PPIG: variants seen among roughly 807,000 people sequenced by gnomAD.
The protein encoded by PPIG is peptidyl-prolyl cis-trans isomerase G.
A neutral mutation model predicts 87.9 loss-of-function variants in PPIG; 26 were observed. The ratio of observed to expected loss-of-function variants is 0.30; its 90% CI spans 0.22 to 0.41. The LOEUF is 0.41. PPIG is among the 10% of genes least tolerant of loss of function. PPIG has a pLI of 1.00. For missense variants in PPIG, 722 were observed against 879.4 expected, an observed-to-expected ratio of 0.82 and a Z score of 2.26; for synonymous variants, 308 against 276.5, an observed-to-expected ratio of 1.11 and a Z score of -1.13.
At chr2:169,632,325 C>T (rs892827000) in intron 11 of PPIG, among the ~76,000 whole-genome samples, 9 of 152,150 alleles carry the variant, frequency 5.9e-5, no homozygotes, top group African/African-American at 2.2e-4. Flanking sequence ...TGCTGTTTTC[C>T]TTACTTGGTT....
intron 1 of PPIG, among the ~76,000 whole-genome samples, chr2:169,601,088 T>C (rs550941953): frequency 5.3e-5 from 8 of 152,360 alleles, no homozygotes; most frequent in African/African-American, 1.9e-4. Context: ...GAAATACTTA[T>C]GTACAATTTA....
intron 9 of PPIG, among the ~76,000 whole-genome samples, chr2:169,624,726 T>C (rs2105511283): frequency 6.6e-6 from 1 of 152,238 alleles, no homozygotes; most frequent in Middle Eastern, 3.4e-3. Flanking sequence ...TAGCTAGGAC[T>C]ACAGGCGCCC....
At chr2:169,626,444 A>C (rs2105513173) in intron 9 of PPIG, among the ~76,000 whole-genome samples, 2 of 152,284 alleles carry the variant, frequency 1.3e-5, no homozygotes, top group South Asian at 4.2e-4. Flanking sequence ...CCCAGGCTGG[A>C]GTGCAGTGAC....
intron 1 of PPIG, chr2:169,584,830 C>A: frequency 3.4e-6 from 1 of 292,782 alleles, no homozygotes; most frequent in Non-Finnish European, 6.6e-6. Context: ...GCAGCGACTG[C>A]GGCCTGAACT....
At chr2:169,585,676 A>G (rs1280868200) in intron 1 of PPIG, among the ~76,000 whole-genome samples, 1 of 152,222 alleles carries the variant, frequency 6.6e-6, no homozygotes, top group African/African-American at 2.4e-5. Flanking sequence ...TCTTTCCACG[A>G]TAGCCCTTTC....
intron 4 of PPIG, among the ~76,000 whole-genome samples, chr2:169,604,832 C>A (rs2105487743): frequency 6.6e-6 from 1 of 150,924 alleles, no homozygotes; most frequent in South Asian, 2.1e-4. Context: ...CGAGATCGTG[C>A]CATTGCACTC....
At chr2:169,588,620 A>G (rs868664119) in intron 1 of PPIG, among the ~76,000 whole-genome samples, 10 of 152,102 alleles carry the variant, frequency 6.6e-5, no homozygotes, top group African/African-American at 2.4e-4. Flanking sequence ...ACTGGGGGTA[A>G]ATCTTTTTTC....
chr2:169,603,909 A>G (rs1172044264), intron 2 of PPIG, 117 bp from the exon 3 acceptor site: 1 of 767,824 alleles, frequency 1.3e-6, no homozygotes, highest in Admixed American at 2.8e-5. Context: ...AGAAATAAAT[A>G]TCAAAATAAA....
intron 4 of PPIG, 51 bp downstream of exon 4, chr2:169,604,312 T>C (rs971174863): frequency 2.8e-6 from 3 of 1,082,540 alleles, no homozygotes; most frequent in Non-Finnish European, 2.7e-6. Flanking sequence ...TGACTATGGC[T>C]TGCTTGCTTG....
intron 9 of PPIG, among the ~76,000 whole-genome samples, chr2:169,627,444 A>C (rs1685919174): frequency 6.6e-6 from 1 of 152,216 alleles, no homozygotes; most frequent in Non-Finnish European, 1.5e-5. Flanking sequence ...TTTTCTTCAA[A>C]AGTGATATGT....
chr2:169,636,923 A>G lies in PPIG; in HGVS notation c.1665A>G (p.Lys555=), dbSNP rs1301300373. 2 of 1,613,898 alleles carry G rather than the reference A, an allele frequency of 1.2e-6. No individual in the cohort carries two copies. The highest frequency in any genetic ancestry group is 1.7e-5 in the Admixed American group (1 of 59,970). ...GAGAATGTGATATAACTAAAGGTAA[A>G]CACAGTTATAATAGCAGAACAAGAG... The part of the protein sequence containing the change: ...RSRECDITKG[K]HSYNSRTRER... The change falls in exon 14 of 14, where the codon AAA becomes AAG. Residue 555 remains lysine (K), a synonymous_variant. Transcript: ENST00000260970.
chr2:169,627,333 C>G (rs1685916396), intron 9 of PPIG, among the ~76,000 whole-genome samples: 1 of 152,162 alleles, frequency 6.6e-6, no homozygotes, highest in African/African-American at 2.4e-5. Context: ...CTGACCTCAA[C>G]CGATCCACTA....
chr2:169,630,610 T>C (rs1686018917), intron 9 of PPIG, among the ~76,000 whole-genome samples, 164 bp from the exon 10 acceptor site: 1 of 152,190 alleles, frequency 6.6e-6, no homozygotes, highest in Admixed American at 6.5e-5. Flanking sequence ...AGATCTGGAC[T>C]CTAATCCTGA....
chr2:169,606,738 G>A (rs1453522999), intron 5 of PPIG, among the ~76,000 whole-genome samples: 1 of 151,876 alleles, frequency 6.6e-6, no homozygotes, highest in Non-Finnish European at 1.5e-5. Flanking sequence ...GTCACAAGTG[G>A]TAATCCTTAC....
intron 9 of PPIG, among the ~76,000 whole-genome samples, chr2:169,625,510 C>G (rs980296480): frequency 6.6e-6 from 1 of 152,028 alleles, no homozygotes; most frequent in African/African-American, 2.4e-5. Context: ...CCTTTGCCAG[C>G]CTAATGGATT....
rs957779687 is a variant in PPIG at position 169,638,220 on chromosome 2, T to C, written c.*697T>C. ...GTACTGATTGAGCTTGAGTTGCTGT[T>C]ATACAGCATTTGACAGGAACTATAC... is the stretch of plus-strand genomic sequence containing the variant. On this transcript the variant is annotated 3_prime_UTR_variant, in exon 14 of 14. Coordinates refer to ENST00000260970, the MANE Select transcript of PPIG (RefSeq NM_004792.3). 3.9e-5 allele frequency: 6 copies of C among 152,038 alleles called. No individual in the cohort carries two copies. The highest frequency in any genetic ancestry group is 1.4e-4 in the African/African-American group (6 of 41,434). 9.4% of individuals were successfully genotyped at this position (152,038 alleles called of 1,614,324 possible). A position where few individuals can be genotyped will look rare whatever the true frequency, so the allele number is the denominator to read the frequency against.
chr2:169,632,386 T>C (rs1686080377), intron 11 of PPIG, among the ~76,000 whole-genome samples: 1 of 152,228 alleles, frequency 6.6e-6, no homozygotes, highest in African/African-American at 2.4e-5. Flanking sequence ...GAAAAAAGTT[T>C]ACTACATAAA....
At chr2:169,584,521 C>T (rs1267160742) in intron 1 of PPIG, 31 bp downstream of exon 1, 1 of 469,898 alleles carries the variant, frequency 2.1e-6, no homozygotes. Flanking sequence ...GTTGTTCTGG[C>T]GGCGTCATTT....
intron 1 of PPIG, among the ~76,000 whole-genome samples, chr2:169,588,848 T>C (rs1197536041): frequency 6.7e-6 from 1 of 149,716 alleles, no homozygotes; most frequent in Admixed American, 6.8e-5. Flanking sequence ...TAATCCCAGC[T>C]ACTCGGAGGC....
Sources: gnomAD v4.1 joint callset for allele counts (sites outside exome capture counted in the v4.1 genomes callset) on GRCh38, gnomAD v4.1.1 for gene constraint, MANE v1.5 for transcripts, NCBI Gene and HGNC (gene_info 2026-07-23, HGNC 2026-07-21) for gene names.